Variants in SEC14L1 observed in about 807,000 individuals in gnomAD.
SEC14L1 encodes SEC14-like protein 1.
In SEC14L1, 48 loss-of-function variants were observed where a neutral mutation model predicts 85.3. The ratio of observed to expected loss-of-function variants is 0.56; its 90% CI spans 0.45 to 0.72. The LOEUF is 0.72. Among genes scored for constraint, SEC14L1 ranks in the 30% least tolerant of loss-of-function variants. SEC14L1 has a pLI of 0.00. For missense variants in SEC14L1, 682 were observed against 921.4 expected (o/e 0.74, Z 3.36); for synonymous variants, 391 against 355.5 (o/e 1.10, Z -1.12).
At chr17:77,147,550 C>G (rs915492685) in intron 3 of SEC14L1, among the ~76,000 whole-genome samples, 1 of 152,098 alleles carries the variant, frequency 6.6e-6, no homozygotes, top group African/African-American at 2.4e-5. Flanking sequence ...TCAACCCTCC[C>G]TTGGAGGGCG....
chr17:77,096,268 A>G (rs10438705), intron 3 of SEC14L1, among the ~76,000 whole-genome samples: 9,318 of 151,150 alleles, frequency 0.062, 440 homozygotes, highest in East Asian at 0.27. Flanking sequence ...AAGGTTAAAA[A>G]TCACTATGAG....
At chr17:77,159,871 C>T (rs1487637730) in intron 3 of SEC14L1, among the ~76,000 whole-genome samples, 1 of 151,928 alleles carries the variant, frequency 6.6e-6, no homozygotes, top group Non-Finnish European at 1.5e-5. Flanking sequence ...GAGTGGTGAC[C>T]CACTTAAATA....
intron 14 of SEC14L1, chr17:77,209,759 A>T (rs530159865): frequency 1.7e-5 from 5 of 302,724 alleles, no homozygotes; most frequent in African/African-American, 1.1e-4. Context: ...CAGAGATAGG[A>T]ATAGCTAATC....
At position 77,194,790 on chromosome 17, in the gene SEC14L1, C is replaced by T; in HGVS notation, c.588C>T (p.Ser196=). 1.2e-6 allele frequency: 2 copies of T among 1,614,208 alleles called. No individual in the cohort carries two copies. The highest frequency in any genetic ancestry group is 1.7e-6 in the Non-Finnish European group (2 of 1,180,032). ...ITTSSETSSS[S]SKKQAASMAV... Reference sequence around the variant, plus strand: ...CCTCTTCAGAGACATCTTCATCATCCTCCAAGAAACAAGCAGCGTCCATGG... The same window carrying T: ...CCTCTTCAGAGACATCTTCATCATCTTCCAAGAAACAAGCAGCGTCCATGG... Residue 196 remains serine, a synonymous_variant, in exon 7 of 17, where the codon TCC becomes TCT. Coordinates refer to ENST00000436233, the MANE Select transcript of SEC14L1 (RefSeq NM_001143998.2).
At chr17:77,156,655 G>C (rs1567899127) in intron 3 of SEC14L1, among the ~76,000 whole-genome samples, 1 of 150,074 alleles carries the variant, frequency 6.7e-6, no homozygotes, top group Admixed American at 6.6e-5. Flanking sequence ...CTTCTTCTCT[G>C]TCAGTGAAAT....
intron 14 of SEC14L1, 98 bp downstream of exon 14, chr17:77,209,574 A>T: frequency 7.6e-7 from 1 of 1,312,708 alleles, no homozygotes; most frequent in South Asian, 1.5e-5. Flanking sequence ...AGAACAGTCC[A>T]CTCGTTTTTC....
chr17:77,108,737 T>G (rs538207631), intron 3 of SEC14L1, among the ~76,000 whole-genome samples: 1 of 133,316 alleles, frequency 7.5e-6, no homozygotes, highest in Non-Finnish European at 1.5e-5. Flanking sequence ...AGGCTCTGTC[T>G]CAAAAAAAAA....
chr17:77,147,738 C>T (rs1973377524), intron 3 of SEC14L1, among the ~76,000 whole-genome samples: 1 of 152,188 alleles, frequency 6.6e-6, no homozygotes, highest in East Asian at 1.9e-4. Flanking sequence ...AAGCCTCACA[C>T]CTGACAAGGA....
Position 77,143,658 on chromosome 17 carries a change from C to T in SEC14L1, c.62C>T (p.Ala21Val). The change falls in exon 3 of 17, where the codon GCT becomes GTT. Residue 21 changes from alanine to valine, a missense_variant and splice_region_variant. Ala to Val is a moderately conservative substitution (Grantham distance 64). Coordinates refer to ENST00000436233, the MANE Select transcript of SEC14L1 (RefSeq NM_001143998.2). ...AAATACCCCTTTGAATTAATTATGG[C>T]TGTAAGTACTTGACATTTCAATTTA... ...VYKYPFELIM[A>V]AYERRFPTCP... The T allele has an allele frequency of 6.2e-7, 1 of 1,603,066 alleles. No homozygotes were observed.
intron 3 of SEC14L1, among the ~76,000 whole-genome samples, chr17:77,111,396 GTTT>G: frequency 7.1e-6 from 1 of 140,776 alleles, no homozygotes; most frequent in African/African-American, 2.6e-5. Flanking sequence ...CTTTTGAAGT[GTTT>G]TTTTTTTTTT....
At chr17:77,182,180 C>G (rs1265809054) in intron 3 of SEC14L1, among the ~76,000 whole-genome samples, 2 of 152,116 alleles carry the variant, frequency 1.3e-5, no homozygotes, top group Non-Finnish European at 2.9e-5. Flanking sequence ...AAGGTAGGCT[C>G]TTTAGGTTGA....
intron 3 of SEC14L1, among the ~76,000 whole-genome samples, chr17:77,187,465 C>T (rs1028659718): frequency 1.3e-5 from 2 of 152,054 alleles, no homozygotes. Flanking sequence ...GCGGCCTCTG[C>T]CTCCCAGGTT....
intron 3 of SEC14L1, among the ~76,000 whole-genome samples, chr17:77,173,615 A>T (rs1434033629): frequency 6.6e-6 from 1 of 152,206 alleles, no homozygotes; most frequent in Non-Finnish European, 1.5e-5. Flanking sequence ...ATACTCTATT[A>T]AAAGTTGACA....
Position 77,187,569 on chromosome 17 carries a change from G to T in SEC14L1, c.64-3234G>T, listed in dbSNP as rs193144132. Among the ~76,000 whole-genome samples, 8 of 152,078 alleles carry T rather than the reference G, an allele frequency of 5.3e-5. No homozygotes were observed. In the East Asian group the frequency reaches 1.5e-3, roughly 29 times the overall value. On this transcript the variant is annotated intron_variant, in intron 3 of 16. Coordinates refer to ENST00000436233, the MANE Select transcript of SEC14L1 (RefSeq NM_001143998.2). Reference sequence around the variant, plus strand: ...ATTTTTGTATTTTTGGTAGAAATGGGGTTTCGACATGTTGGTCAGGATGGT... The same window carrying T: ...ATTTTTGTATTTTTGGTAGAAATGGTGTTTCGACATGTTGGTCAGGATGGT...
intron 3 of SEC14L1, among the ~76,000 whole-genome samples, chr17:77,153,647 C>T (rs1006827044): frequency 1.3e-5 from 2 of 152,132 alleles, no homozygotes; most frequent in Non-Finnish European, 2.9e-5. Flanking sequence ...ATGCAGCAGG[C>T]ACTTGGCAGG....
intron 9 of SEC14L1, among the ~76,000 whole-genome samples, chr17:77,202,977 T>G (rs1298143174): frequency 6.6e-6 from 1 of 151,260 alleles, no homozygotes; most frequent in Non-Finnish European, 1.5e-5. Context: ...CACAGGCTGC[T>G]TGGTGGGGTT....
intron 2 of SEC14L1, among the ~76,000 whole-genome samples, chr17:77,091,959 A>G (rs1442807065): frequency 6.6e-6 from 1 of 152,046 alleles, no homozygotes; most frequent in East Asian, 1.9e-4. Flanking sequence ...TTACAGGCAC[A>G]TGCCATCACA....
chr17:77,159,592 A>G lies in SEC14L1; in HGVS notation c.63+15933A>G, dbSNP rs184518404. 2.7e-5 allele frequency among the ~76,000 whole-genome samples: 4 copies of G among 148,174 alleles called. No homozygotes were observed. The Admixed American group carries it at 2.7e-4, about 10-fold the overall frequency. On this transcript the variant is annotated intron_variant, in intron 3 of 16. Coordinates refer to ENST00000436233, the MANE Select transcript of SEC14L1 (RefSeq NM_001143998.2). ...GATGGGGTTTCACCATATTGGCCAC[A>G]CTGGTCTCAAACTCCTGACCTCATG...
intron 3 of SEC14L1, among the ~76,000 whole-genome samples, chr17:77,185,018 A>T (rs1040229039): frequency 1.3e-5 from 2 of 152,224 alleles, no homozygotes; most frequent in African/African-American, 4.8e-5. Context: ...CAGTATGCAG[A>T]ATCTACTGAC....
Sources: gnomAD v4.1 joint callset for allele counts (sites outside exome capture counted in the v4.1 genomes callset) on GRCh38, gnomAD v4.1.1 for gene constraint, MANE v1.5 for transcripts, NCBI Gene and HGNC (gene_info 2026-07-23, HGNC 2026-07-21) for gene names.